The following DCLK1 variants were observed in gnomAD, a reference collection of about 807,000 sequenced individuals.
The protein encoded by DCLK1 is doublecortin like kinase 1.
A neutral mutation model predicts 86.2 loss-of-function variants in DCLK1; 16 were observed. The ratio of observed to expected loss-of-function variants is 0.19; its 90% CI spans 0.13 to 0.28. The LOEUF is 0.28. Ranked by LOEUF, DCLK1 falls within the 10% of genes least tolerant of loss-of-function variation. DCLK1 has a pLI of 1.00. For synonymous variants in DCLK1, 369 were observed against 370.5 expected, an observed-to-expected ratio of 1.00 and a Z score of 0.05; for missense variants, 590 against 940.2, an observed-to-expected ratio of 0.63 and a Z score of 4.87.
At chr13:35,828,890 G>C (rs1485380200) in intron 8 of DCLK1, among the ~76,000 whole-genome samples, 1 of 152,078 alleles carries the variant, frequency 6.6e-6, no homozygotes, top group Non-Finnish European at 1.5e-5. Context: ...GAAGACTCTA[G>C]AGAAAGCACT....
At chr13:36,077,592 A>G (rs1024861410) in intron 3 of DCLK1, among the ~76,000 whole-genome samples, 37 of 152,210 alleles carry the variant, frequency 2.4e-4, no homozygotes, top group African/African-American at 8.7e-4. Context: ...GAAAATTTCT[A>G]TAATAAAGCA....
At chr13:35,795,951 A>G (rs1015018759) in intron 15 of DCLK1, among the ~76,000 whole-genome samples, 1 of 151,628 alleles carries the variant, frequency 6.6e-6, no homozygotes, top group African/African-American at 2.4e-5. Flanking sequence ...AAAACCAACA[A>G]CAAAAAACCA....
intron 3 of DCLK1, among the ~76,000 whole-genome samples, chr13:36,106,287 T>C (rs1168885430): frequency 6.6e-6 from 1 of 152,168 alleles, no homozygotes; most frequent in Admixed American, 6.5e-5. Flanking sequence ...GTCCTAAATA[T>C]TGACCAAGGA....
At chr13:35,854,688 G>C (rs1870921681) in intron 5 of DCLK1, 95 bp from the exon 6 acceptor site, 1 of 1,101,878 alleles carries the variant, frequency 9.1e-7, no homozygotes, top group Non-Finnish European at 1.2e-6. Context: ...ATTATATAGA[G>C]AGCCATCTAC....
chr13:35,808,792 GAAAA>G (rs746173638), intron 13 of DCLK1, among the ~76,000 whole-genome samples: 6 of 114,632 alleles, frequency 5.2e-5, no homozygotes, highest in Non-Finnish European at 9.5e-5. Flanking sequence ...AAACCAGAAA[GAAAA>G]AAAAAAAAAG....
intron 3 of DCLK1, among the ~76,000 whole-genome samples, chr13:35,966,928 C>T (rs1430866950): frequency 6.6e-6 from 1 of 152,034 alleles, no homozygotes; most frequent in Non-Finnish European, 1.5e-5. Flanking sequence ...GCCGCCACCC[C>T]GTCTAGGAAG....
intron 3 of DCLK1, among the ~76,000 whole-genome samples, chr13:36,104,765 A>C (rs185491038): frequency 6.6e-6 from 1 of 152,270 alleles, no homozygotes; most frequent in East Asian, 1.9e-4. Context: ...AAAGTGAATA[A>C]AATATCTGCA....
chr13:36,105,807 TTTTG>T (rs1279173398), intron 3 of DCLK1, among the ~76,000 whole-genome samples: 1 of 152,202 alleles, frequency 6.6e-6, no homozygotes, highest in Non-Finnish European at 1.5e-5. Context: ...AGCTGAATTT[TTTTG>T]TTTGTTTGTT....
chr13:35,975,788 G>A (rs1292795762), intron 3 of DCLK1, among the ~76,000 whole-genome samples: 3 of 152,160 alleles, frequency 2.0e-5, no homozygotes, highest in Admixed American at 6.5e-5. Flanking sequence ...GAAACCTGAT[G>A]TCTAATGACA....
intron 3 of DCLK1, among the ~76,000 whole-genome samples, chr13:35,949,606 C>T (rs886847340): frequency 2.0e-4 from 31 of 152,234 alleles, no homozygotes; most frequent in African/African-American, 7.2e-4. Flanking sequence ...CACATTCCCA[C>T]TCCCACCATT....
At chr13:35,980,483 C>G (rs552376804) in intron 3 of DCLK1, among the ~76,000 whole-genome samples, 2 of 152,092 alleles carry the variant, frequency 1.3e-5, no homozygotes, top group Admixed American at 6.6e-5. Context: ...GTGTTCCCCC[C>G]GGCAACTACT....
At chr13:35,778,574 C>T (rs1237541375) in intron 16 of DCLK1, among the ~76,000 whole-genome samples, 1 of 152,020 alleles carries the variant, frequency 6.6e-6, no homozygotes, top group Non-Finnish European at 1.5e-5. Flanking sequence ...CATGAATGGC[C>T]CAAGATGGGC....
At chr13:35,910,643 G>A (rs1003306031) in intron 4 of DCLK1, among the ~76,000 whole-genome samples, 2 of 152,152 alleles carry the variant, frequency 1.3e-5, no homozygotes, top group Non-Finnish European at 1.5e-5. Flanking sequence ...TAGACCTACA[G>A]TGAAAACTAG....
At chr13:36,048,242 T>C (rs1008697589) in intron 3 of DCLK1, among the ~76,000 whole-genome samples, 1 of 152,162 alleles carries the variant, frequency 6.6e-6, no homozygotes, top group Non-Finnish European at 1.5e-5. Context: ...AACCTTTCAC[T>C]AGGGACAAAG....
intron 3 of DCLK1, among the ~76,000 whole-genome samples, chr13:36,013,558 A>G (rs1012177002): frequency 2.0e-5 from 3 of 152,026 alleles, no homozygotes; most frequent in African/African-American, 7.3e-5. Context: ...GGGGTCAGGG[A>G]CCCACTTGAG....
intron 3 of DCLK1, among the ~76,000 whole-genome samples, chr13:36,100,178 A>AT (rs1885155621): frequency 1.4e-5 from 1 of 70,022 alleles, no homozygotes; most frequent in African/African-American, 5.7e-5. Flanking sequence ...CCCTGTCTCT[A>AT]CAAAAAAAAA....
At chr13:35,795,823 G>A (rs796755988) in intron 15 of DCLK1, among the ~76,000 whole-genome samples, 13 of 151,948 alleles carry the variant, frequency 8.6e-5, no homozygotes, top group African/African-American at 3.1e-4. Flanking sequence ...CTACTCAGGA[G>A]GCTGAGACGG....
chr13:35,947,746 T>C (rs977842812), intron 3 of DCLK1, among the ~76,000 whole-genome samples: 6 of 152,222 alleles, frequency 3.9e-5, no homozygotes, highest in African/African-American at 1.4e-4. Flanking sequence ...GTTTCCATAA[T>C]AGAGGAGGTG....
rs1055129725 is a variant in DCLK1 at position 35,848,215 on chromosome 13, A to T, written c.1035+6284T>A. ...GAACAATTTAAAAATTCATTGCCGA[A>T]TTTTTTTTATAAAGAATTCTATAAG... On this transcript the variant is annotated intron_variant, in intron 6 of 16. Coordinates refer to ENST00000360631, the MANE Select transcript of DCLK1 (RefSeq NM_001330071.2). 1.0e-5 allele frequency: 10 copies of T among 985,034 alleles called. No individual in the cohort carries two copies. In the South Asian group the frequency reaches 2.8e-4, roughly 28 times the overall value. 61.0% of individuals were successfully genotyped at this position (985,034 alleles called of 1,614,324 possible).
Sources: allele counts gnomAD v4.1 joint callset (sites outside exome capture counted in the v4.1 genomes callset), GRCh38; gene constraint gnomAD v4.1.1; transcripts MANE v1.5; gene names NCBI Gene and HGNC (gene_info 2026-07-23, HGNC 2026-07-21).